Variants in TAOK3 observed in about 807,000 individuals in gnomAD.
TAOK3 encodes the protein TAO kinase 3, also known as serine/threonine-protein kinase TAO3.
A neutral mutation model predicts 120.4 loss-of-function variants in TAOK3; 40 were observed. The ratio of observed to expected loss-of-function variants is 0.33; its 90% CI spans 0.26 to 0.43. TAOK3 has a LOEUF of 0.43. TAOK3 is among the 20% of genes least tolerant of loss of function. The probability of loss-of-function intolerance (pLI) is 1.00; values close to 1 mark genes in which losing one functional copy is unlikely to be tolerated. For missense variants in TAOK3, 821 were observed against 1,112.1 expected (o/e 0.74, Z 3.72); for synonymous variants, 355 against 387.5 (o/e 0.92, Z 0.99).
chr12:118,199,500 A>T (rs1317757383), intron 12 of TAOK3: 3 of 544,812 alleles, frequency 5.5e-6, no homozygotes, highest in Non-Finnish European at 9.9e-6. Flanking sequence ...AAATGCTGCC[A>T]TCCCAGGGCT....
intron 9 of TAOK3, among the ~76,000 whole-genome samples, chr12:118,225,408 AT>A (rs1440653387): frequency 3.3e-5 from 5 of 150,952 alleles, no homozygotes; most frequent in South Asian, 2.1e-4. Flanking sequence ...AAAAAAAAAA[AT>A]ACCCTTCTTT....
chr12:118,293,391 C>A (rs372313449), intron 1 of TAOK3, among the ~76,000 whole-genome samples: 1 of 152,092 alleles, frequency 6.6e-6, no homozygotes, highest in Admixed American at 6.6e-5. Context: ...GAGAGACAAG[C>A]CACTTGGCTG....
At chr12:118,289,001 T>C (rs1234779185) in intron 1 of TAOK3, among the ~76,000 whole-genome samples, 1 of 149,242 alleles carries the variant, frequency 6.7e-6, no homozygotes, top group Non-Finnish European at 1.5e-5. Flanking sequence ...TGGCTACTAA[T>C]TTAGAAGTCA....
At chr12:118,178,726 G>T (rs1026765039) in intron 15 of TAOK3, among the ~76,000 whole-genome samples, 1 of 152,184 alleles carries the variant, frequency 6.6e-6, no homozygotes, top group Non-Finnish European at 1.5e-5. Flanking sequence ...CCAAAGTACT[G>T]GGATTACAGG....
chr12:118,187,511 T>C (rs915860705), intron 14 of TAOK3, among the ~76,000 whole-genome samples: 1 of 152,190 alleles, frequency 6.6e-6, no homozygotes, highest in Non-Finnish European at 1.5e-5. Flanking sequence ...TAGTACTTGG[T>C]AATATACATT....
At chr12:118,218,106 C>T (rs75083263) in intron 9 of TAOK3, among the ~76,000 whole-genome samples, 185 of 151,488 alleles carry the variant, frequency 1.2e-3, no homozygotes, top group African/African-American at 4.0e-3. Flanking sequence ...GTGATCCGTC[C>T]GCCTTGGCCT....
At chr12:118,235,254 G>A (rs986109346) in intron 8 of TAOK3, among the ~76,000 whole-genome samples, 5 of 152,126 alleles carry the variant, frequency 3.3e-5, no homozygotes, top group African/African-American at 1.2e-4. Context: ...TTTGCCTCAA[G>A]AGAAAAGTTC....
rs552028833 is a variant in TAOK3, at chr12:118,254,488, T to C, written c.120+960A>G. On this transcript the variant is annotated intron_variant, in intron 3 of 20. Coordinates refer to ENST00000392533, the MANE Select transcript of TAOK3 (RefSeq NM_016281.4). ...ATAAAGCAAAAAATCGTATACGTAA[T>C]TGTTTTATTACAACTGTGATAAATG... Among the ~76,000 whole-genome samples the C allele has an allele frequency of 5.3e-5, 8 of 151,886 alleles. No homozygotes were observed. The East Asian group carries it at 1.2e-3, about 22-fold the overall frequency.
chr12:118,173,327 A>C (rs1049146592), intron 16 of TAOK3, among the ~76,000 whole-genome samples: 2 of 152,226 alleles, frequency 1.3e-5, no homozygotes, highest in Admixed American at 1.3e-4. Context: ...TTGAGGCTTT[A>C]CAGGCCAATA....
intron 1 of TAOK3, among the ~76,000 whole-genome samples, chr12:118,331,720 G>T (rs1232361050): frequency 6.8e-6 from 1 of 147,730 alleles, no homozygotes; most frequent in Non-Finnish European, 1.5e-5. Context: ...AAAAATGCAT[G>T]TAAAAGTGCT....
intron 2 of TAOK3, among the ~76,000 whole-genome samples, chr12:118,264,284 G>T (rs1318584085): frequency 6.6e-6 from 1 of 152,174 alleles, no homozygotes; most frequent in African/African-American, 2.4e-5. Context: ...GTATACAAAT[G>T]TTCACAGTAG....
intron 1 of TAOK3, among the ~76,000 whole-genome samples, chr12:118,272,406 A>G (rs1055637891): frequency 6.6e-6 from 1 of 152,128 alleles, no homozygotes; most frequent in African/African-American, 2.4e-5. Flanking sequence ...AAGATGATTC[A>G]TTGAAGATCT....
At chr12:118,300,589 ACACT>A (rs985894101) in intron 1 of TAOK3, among the ~76,000 whole-genome samples, 14 of 152,094 alleles carry the variant, frequency 9.2e-5, no homozygotes, top group Admixed American at 6.6e-4. Flanking sequence ...GCACGCACAC[ACACT>A]CACACACACT....
At chr12:118,365,683 C>T (rs1409284434) in intron 1 of TAOK3, among the ~76,000 whole-genome samples, 1 of 152,218 alleles carries the variant, frequency 6.6e-6, no homozygotes, top group Non-Finnish European at 1.5e-5. Context: ...TGAGCATCTT[C>T]ATACTCTGTG....
At chr12:118,252,871 G>A (rs990626699) in intron 3 of TAOK3, among the ~76,000 whole-genome samples, 25 of 151,896 alleles carry the variant, frequency 1.6e-4, no homozygotes, top group African/African-American at 4.3e-4. Context: ...AAGTACAGGC[G>A]TCCACCACCA....
Position 118,177,257 on chromosome 12 carries a change from T to C in TAOK3, c.1639A>G (p.Thr547Ala), listed in dbSNP as rs1413954884. ...TGCTTCTTCTGACTTTCTAAGAAAG[T>C]TGTCAAATCTTTCTTCTGCTGGGCC... ...ILAQQKKDLT[T>A]FLESQKKQYK... The change falls in exon 16 of 21, where the codon ACT becomes GCT. Residue 547 changes from threonine to alanine, a missense_variant. Physicochemically the swap from Thr to Ala is moderately conservative, Grantham distance 58 (BLOSUM62 0). Transcript: ENST00000392533. The C allele has an allele frequency of 1.2e-6, 2 of 1,613,238 alleles. No homozygotes were observed. The highest frequency in any genetic ancestry group is 2.2e-5 in the South Asian group (2 of 91,078).
At chr12:118,156,953 T>G (rs2034872883) in intron 19 of TAOK3, among the ~76,000 whole-genome samples, 1 of 152,116 alleles carries the variant, frequency 6.6e-6, no homozygotes. Context: ...CTGGCCAGGC[T>G]GGTCTCGAAC....
intron 14 of TAOK3, among the ~76,000 whole-genome samples, chr12:118,182,623 A>ATAT (rs371125415): frequency 0.037 from 3,461 of 92,294 alleles, 106 homozygotes; most frequent in Non-Finnish European, 0.052. Context: ...ATATATATAT[A>ATAT]TTTTTTTTTT....
At chr12:118,158,164 T>C (rs2034969333) in intron 19 of TAOK3, among the ~76,000 whole-genome samples, 1 of 152,236 alleles carries the variant, frequency 6.6e-6, no homozygotes, top group South Asian at 2.1e-4. Context: ...CATGCTCTCT[T>C]CGGGTTCCCT....
Sources: gnomAD v4.1 joint callset for allele counts (sites outside exome capture counted in the v4.1 genomes callset) on GRCh38, gnomAD v4.1.1 for gene constraint, MANE v1.5 for transcripts, NCBI Gene and HGNC (gene_info 2026-07-23, HGNC 2026-07-21) for gene names.